CDK10: variants seen among roughly 807,000 people sequenced by gnomAD.
The protein encoded by CDK10 is cyclin-dependent kinase 10.
CDK10 carries 55 observed loss-of-function variants against 51.0 expected under a neutral mutation model. That is an observed-to-expected ratio of 1.08 (90% CI 0.87 to 1.35). The LOEUF (loss-of-function observed/expected upper bound fraction) is 1.35, where lower values mean the gene tolerates loss of function less well. Among genes scored for constraint, CDK10 ranks in the 40% most tolerant of loss-of-function variants. The pLI, the probability that CDK10 is intolerant of heterozygous loss-of-function variation, is 0.00. For synonymous variants in CDK10, 255 were observed against 199.1 expected (o/e 1.28, Z -2.36); for missense variants, 589 against 485.1 (o/e 1.21, Z -2.01).
chr16:89,695,551 T>C lies in CDK10; in HGVS notation c.986-44T>C, dbSNP rs1189742230. The C allele has an allele frequency of 1.9e-6, 3 of 1,571,970 alleles. No homozygotes were observed. The African/African-American group carries it at 4.1e-5, about 21-fold the overall frequency. ...CTCAGACCTGGGCCTGCTCCTCCTA[T>C]CTGGGGCCCTGCCCCGCCCAGCACT... is the stretch of plus-strand genomic sequence containing the variant. On this transcript the variant is annotated intron_variant, in intron 12 of 12. Coordinates refer to ENST00000353379, the MANE Select transcript of CDK10 (RefSeq NM_052988.5).
At chr16:89,694,285 G>C (rs1390010411) in intron 9 of CDK10, 53 bp downstream of exon 9, 2 of 1,575,606 alleles carry the variant, frequency 1.3e-6, no homozygotes, top group Non-Finnish European at 1.7e-6. Context: ...TGGGACAGGA[G>C]CCGGGTCACC....
In CDK10 at chr16:89,693,313, T is replaced by C. The variant is rs1006539138; in HGVS notation, c.525T>C (p.Gly175=). The C allele has an allele frequency of 1.2e-6, 2 of 1,613,932 alleles. No individual in the cohort carries two copies. The highest frequency in any genetic ancestry group is 2.7e-5 in the African/African-American group (2 of 74,858). Residue 175 remains glycine (G), a synonymous_variant, in exon 7 of 13, where the codon GGT becomes GGC. Transcript: ENST00000353379. ...CCAACTTGCTCATGACCGACAAGGG[T>C]TGTGTGAAGACAGGTGGGTGCAACT... The part of the protein sequence containing the change: ...KVSNLLMTDK[G]CVKTADFGLA...
chr16:89,691,569 A>G (rs376178897), intron 4 of CDK10, 24 bp downstream of exon 4: 395 of 1,582,278 alleles, frequency 2.5e-4, no homozygotes, highest in Non-Finnish European at 3.3e-4. Context: ...TGGTCTGCAC[A>G]TTGGGCCCTA....
At chr16:89,691,729 T>A (rs2060459036) in intron 4 of CDK10, 77 bp from the exon 5 acceptor site, 2 of 1,440,340 alleles carry the variant, frequency 1.4e-6, no homozygotes, top group African/African-American at 2.8e-5. Context: ...CCATGTCCCC[T>A]CCTGCAGCAG....
rs780579118 is a variant in CDK10 at position 89,695,701 on chromosome 16, C to T, written c.*9C>T. The T allele has an allele frequency of 1.9e-6, 3 of 1,591,918 alleles. No individual in the cohort carries two copies. The East Asian group carries it at 6.8e-5, about 36-fold the overall frequency. On this transcript the variant is annotated 3_prime_UTR_variant, in exon 13 of 13. Transcript: ENST00000353379. ...AGCGCTGTAAACCCTGACGGTGGGC[C>T]TGGCACACGCCTGTATTCCCACACC... is the stretch of plus-strand genomic sequence containing the variant.
chr16:89,687,574 GT>G (rs779191067), intron 1 of CDK10: 2 of 450,836 alleles, frequency 4.4e-6, no homozygotes, highest in Non-Finnish European at 9.0e-6. Flanking sequence ...CTTTTTTGTT[GT>G]TTTTTTGAGA....
intron 1 of CDK10, 106 bp from the exon 2 acceptor site, chr16:89,689,146 G>T: frequency 1.0e-6 from 1 of 1,003,288 alleles, no homozygotes; most frequent in Non-Finnish European, 1.5e-6. Context: ...TTTCTGTTTG[G>T]TGAGCAAGAC....
At chr16:89,692,578 C>G in intron 6 of CDK10, 62 bp downstream of exon 6, 2 of 1,274,892 alleles carry the variant, frequency 1.6e-6, no homozygotes, top group South Asian at 2.9e-5. Flanking sequence ...TCTGCTGCCC[C>G]TGTGGAGTTA....
In CDK10 at chr16:89,686,726, C is replaced by A. The variant is rs770812504; in HGVS notation, c.16C>A (p.Leu6Met). Residue 6 changes from leucine (L) to methionine (M), a missense_variant, in exon 1 of 13, where the codon CTG (leucine) becomes ATG (methionine). Transcript: ENST00000353379. MAEPD[L>M]ECEQIRLKCI... ...AGCGCTCGGCATGGCGGAGCCAGAT[C>A]TGGAGTGCGAGCAGATCCGTCTGAA... 3.7e-6 allele frequency: 6 copies of A among 1,608,358 alleles called. No individual in the cohort carries two copies. In the African/African-American group the frequency reaches 6.7e-5, roughly 18 times the overall value.
Position 89,696,323 on chromosome 16 carries a change from G to A in CDK10, c.*631G>A, listed in dbSNP as rs1156855936. 4 of 200,542 alleles carry A rather than the reference G, an allele frequency of 2.0e-5. No individual in the cohort carries two copies. The highest frequency in any genetic ancestry group is 4.1e-5 in the Non-Finnish European group (4 of 98,662). The allele number at this position is 200,542 out of a possible 1,614,324, so 12.4% of individuals were successfully genotyped here. A position where few individuals can be genotyped will look rare whatever the true frequency, so the allele number is the denominator to read the frequency against. Reference sequence around the variant, plus strand: ...GGCTCTGATGCTGAGCGAAGCTATAGGCTCTTGTTGGATAAAAGCTTTTTT... The same window carrying A: ...GGCTCTGATGCTGAGCGAAGCTATAAGCTCTTGTTGGATAAAAGCTTTTTT... On this transcript the variant is annotated 3_prime_UTR_variant, in exon 13 of 13. Coordinates refer to ENST00000353379, the MANE Select transcript of CDK10 (RefSeq NM_052988.5).
chr16:89,689,272 G>A lies in CDK10; in HGVS notation c.108G>A (p.Val36=), dbSNP rs2060336254. ...TTCAGCTGGGACGATGCCGGAGTGT[G>A]AAGGAGTTTGAGAAGCTGAACCGCA... is the stretch of plus-strand genomic sequence containing the variant. ...PEHRLGRCRS[V]KEFEKLNRIG... Residue 36 remains valine, a synonymous_variant, in exon 2 of 13, where the codon GTG becomes GTA. Transcript: ENST00000353379. 6.2e-7 allele frequency: 1 copy of A among 1,614,016 alleles called. No homozygotes were observed. Among genetic ancestry groups the A allele is most frequent in the Non-Finnish European group, 8.5e-7 (1 of 1,180,028 alleles).
chr16:89,686,830 G>A (rs1209335637), intron 1 of CDK10, 33 bp downstream of exon 1: 5 of 1,572,024 alleles, frequency 3.2e-6, no homozygotes, highest in Non-Finnish European at 3.5e-6. Flanking sequence ...AGCTCTGCCC[G>A]CCTCGCTAGC....
chr16:89,687,152 A>G (rs2060230118), intron 1 of CDK10: 1 of 212,784 alleles, frequency 4.7e-6, no homozygotes, highest in Non-Finnish European at 9.5e-6. Context: ...GTTTGTGGGG[A>G]GAATTTACAC....
chr16:89,695,581 C>G lies in CDK10; in HGVS notation c.986-14C>G, dbSNP rs1255153862. 4 of 1,596,956 alleles carry G rather than the reference C, an allele frequency of 2.5e-6. No homozygotes were observed. In the East Asian group the frequency reaches 9.2e-5, roughly 37 times the overall value. ...GGCCCTGCCCCGCCCAGCACTGAAC[C>G]CTTCTCCCTGCAGCCTGTGAGCCGG... is the stretch of plus-strand genomic sequence containing the variant. On this transcript the variant is annotated splice_polypyrimidine_tract_variant and intron_variant, in intron 12 of 12. Coordinates refer to ENST00000353379, the MANE Select transcript of CDK10 (RefSeq NM_052988.5).
At chr16:89,689,526 C>A in intron 2 of CDK10, 1 of 581,370 alleles carries the variant, frequency 1.7e-6, no homozygotes, top group South Asian at 2.0e-5. Flanking sequence ...CGTAAGCATC[C>A]GGTTGCTAAT....
intron 9 of CDK10, 200 bp downstream of exon 9, chr16:89,694,432 G>C (rs141413508): frequency 0.019 from 16,157 of 854,484 alleles, 210 homozygotes; most frequent in Middle Eastern, 0.033. Context: ...TCTCAGGCTG[G>C]GAGCACAGAG....
chr16:89,693,525 C>A (rs964161763), intron 8 of CDK10, 58 bp downstream of exon 8: 1 of 1,554,536 alleles, frequency 6.4e-7, no homozygotes, highest in African/African-American at 1.4e-5. Flanking sequence ...GTGGAGGTCT[C>A]CTTGGGGATG....
At chr16:89,691,623 CTGAG>C in intron 4 of CDK10, 78 bp downstream of exon 4, 3 of 1,296,226 alleles carry the variant, frequency 2.3e-6, no homozygotes, top group Non-Finnish European at 3.3e-6. Flanking sequence ...AGAGCGAGGA[CTGAG>C]TGTCACTGGG....
At chr16:89,691,652 A>G in intron 4 of CDK10, 107 bp downstream of exon 4, 1 of 1,223,962 alleles carries the variant, frequency 8.2e-7, no homozygotes, top group South Asian at 1.3e-5. Context: ...AGGTTGTCAG[A>G]GAAGAGATGA....
Sources: allele counts gnomAD v4.1 joint callset, GRCh38; gene constraint gnomAD v4.1.1; transcripts MANE v1.5; gene names NCBI Gene and HGNC (gene_info 2026-07-23, HGNC 2026-07-21).